The following ZNF844 variants were observed in gnomAD, a reference collection of about 807,000 sequenced individuals.
ZNF844 encodes zinc finger protein 844.
Under a neutral mutation model 11.4 loss-of-function variants are expected in ZNF844, and 11 were observed. The ratio of observed to expected loss-of-function variants is 0.97; its 90% CI spans 0.61 to 1.60. The LOEUF (loss-of-function observed/expected upper bound fraction) is 1.60. Among genes scored for constraint, ZNF844 ranks in the 40% most tolerant of loss-of-function variants. ZNF844 has a pLI of 0.00. For synonymous variants in ZNF844, 248 were observed against 260.3 expected, an observed-to-expected ratio of 0.95 and a Z score of 0.46; for missense variants, 790 against 796.8, an observed-to-expected ratio of 0.99 and a Z score of 0.10.
At position 12,076,154 on chromosome 19, in the gene ZNF844, C is replaced by T. The variant is rs1975812804; in HGVS notation, c.1034C>T (p.Ala345Val). The stretch of plus-strand genomic sequence containing the variant: ...TGTGAATGTAAACAATGTGGGAAAG[C>T]ATTATCTTATCTTAACTTTCAAAGA... ...KPCECKQCGK[A>V]LSYLNFQRHM... Residue 345 changes from alanine to valine, a missense_variant, in exon 4 of 4, where the codon GCA becomes GTA. Physicochemically the swap from Ala to Val is moderately conservative, Grantham distance 64. Transcript: ENST00000439326. The T allele has an allele frequency of 6.3e-7, 1 of 1,577,684 alleles. No homozygotes were observed. Among genetic ancestry groups the T allele is most frequent in the Non-Finnish European group, 8.6e-7 (1 of 1,160,822 alleles).
chr19:12,076,244 T>A lies in ZNF844; in HGVS notation c.1124T>A (p.Leu375His), dbSNP rs1163250930. Residue 375 changes from leucine to histidine, a missense_variant, in exon 4 of 4, where the codon CTC (leucine) becomes CAC (histidine). Physicochemically the swap from Leu to His is moderately conservative, Grantham distance 99. Transcript: ENST00000439326. The stretch of plus-strand genomic sequence containing the variant: ...AAGACTGTGGAAAAGCCTTTGATTC[T>A]CCCAGTTCGTTTTGAAGACATGAAA... Reference protein sequence around the residue: ...KCKTVEKPLILPVRFEDMKEL... With the variant: ...KCKTVEKPLIHPVRFEDMKEL... The A allele has an allele frequency of 6.2e-7, 1 of 1,609,734 alleles. No individual in the cohort carries two copies. The highest frequency in any genetic ancestry group is 2.2e-5 in the East Asian group (1 of 44,672).
At chr19:12,064,981 G>A (rs1975671806) in intron 1 of ZNF844, 105 bp downstream of exon 1, 8 of 1,280,904 alleles carry the variant, frequency 6.2e-6, no homozygotes, top group Non-Finnish European at 6.3e-6. Context: ...ACCTCCCCGC[G>A]GCGACTCGAG....
In ZNF844 at chr19:12,075,772, G is replaced by C. The variant is rs1975803909; in HGVS notation, c.652G>C (p.Val218Leu). Residue 218 changes from valine to leucine, a missense_variant, in exon 4 of 4, where the codon GTT becomes CTT. Val to Leu is a conservative substitution (Grantham distance 32). Coordinates refer to ENST00000439326, the MANE Select transcript of ZNF844 (RefSeq NM_001136501.3). ...CLSIYLIHER[V>L]HTGEKPYKCK... is the part of the protein sequence containing the mutation. ...CAGCATATATCTTATACATGAACGA[G>C]TTCACACTGGAGAGAAACCATATAA... 4.3e-6 allele frequency: 7 copies of C among 1,613,370 alleles called. No individual in the cohort carries two copies. The highest frequency in any genetic ancestry group is 5.9e-6 in the Non-Finnish European group (7 of 1,179,762).
Position 12,076,424 on chromosome 19 carries a change from T to C in ZNF844, c.1304T>C (p.Phe435Ser), listed in dbSNP as rs1466179112. The change falls in exon 4 of 4, where the codon TTC becomes TCC. Residue 435 changes from phenylalanine to serine, a missense_variant. This residue lies in a region of ZNF844 where 657 missense variants were observed against 636.2 expected (regional missense o/e 1.03). Transcript: ENST00000439326. ...VVKPSFLPLP[F>S]DIMKGLTLER... ...AAGCCTTCATTTCTTCCACTTCCTTTCGATATCATGAAAGGACTCACACTG... is the reference window on the plus strand; with the variant it reads ...AAGCCTTCATTTCTTCCACTTCCTTCCGATATCATGAAAGGACTCACACTG... 1 of 1,610,290 alleles carries C rather than the reference T, an allele frequency of 6.2e-7. No homozygotes were observed. Among genetic ancestry groups the C allele is most frequent in the Non-Finnish European group, 8.5e-7 (1 of 1,177,136 alleles).
chr19:12,066,440 C>T (rs1975688908), intron 1 of ZNF844, among the ~76,000 whole-genome samples: 1 of 151,834 alleles, frequency 6.6e-6, no homozygotes, highest in South Asian at 2.1e-4. Flanking sequence ...ACTCTGTTCC[C>T]CCCGCCCCGA....
Position 12,075,648 on chromosome 19 carries a change from A to G in ZNF844, c.528A>G (p.Lys176=). The G allele has an allele frequency of 6.2e-7, 1 of 1,612,294 alleles. No individual in the cohort carries two copies. The highest frequency in any genetic ancestry group is 8.5e-7 in the Non-Finnish European group (1 of 1,179,502). ...EKLYDCKECG[K]TFISHSSIQR... is the part of the protein sequence containing the mutation. ...TCTATGATTGTAAAGAATGTGGAAAAACCTTCATATCCCATTCAAGCATTC... is the reference window on the plus strand; with the variant it reads ...TCTATGATTGTAAAGAATGTGGAAAGACCTTCATATCCCATTCAAGCATTC... Residue 176 remains lysine (K), a synonymous_variant, in exon 4 of 4, where the codon AAA becomes AAG. Coordinates refer to ENST00000439326, the MANE Select transcript of ZNF844 (RefSeq NM_001136501.3).
chr19:12,064,903 C>T lies in ZNF844; in HGVS notation c.3+27C>T. On this transcript the variant is annotated intron_variant, in intron 1 of 3. Coordinates refer to ENST00000439326, the MANE Select transcript of ZNF844 (RefSeq NM_001136501.3). ...TGAGTGTGAGCCCCCGCTGGGAGTC[C>T]CGAGACTTGGGGGAGGGTAGGCGGA... 2 of 1,548,436 alleles carry T rather than the reference C, an allele frequency of 1.3e-6. 1 individual carries two copies. Among genetic ancestry groups the T allele is most frequent in the South Asian group, 2.4e-5 (2 of 83,828 alleles).
Position 12,075,941 on chromosome 19 carries a change from C to T in ZNF844, c.821C>T (p.Thr274Ile), listed in dbSNP as rs1448010075. ...SPNSLYEHRR[T>I]HTGEKPYECK... ...AATTCCCTTTATGAACATAGAAGAACTCACACTGGAGAGAAGCCATATGAA... is the reference window on the plus strand; with the variant it reads ...AATTCCCTTTATGAACATAGAAGAATTCACACTGGAGAGAAGCCATATGAA... Residue 274 changes from threonine to isoleucine, a missense_variant, in exon 4 of 4, where the codon ACT (threonine) becomes ATT (isoleucine). Physicochemically the swap from Thr to Ile is moderately conservative, Grantham distance 89 (BLOSUM62 -1). Around this residue, in one of 3 missense-constraint regions of ZNF844, gnomAD observed 657 missense variants for 636.2 expected, o/e 1.03. Transcript: ENST00000439326. The T allele has an allele frequency of 3.1e-6, 5 of 1,601,046 alleles. No individual in the cohort carries two copies. Among genetic ancestry groups the T allele is most frequent in the Non-Finnish European group, 4.3e-6 (5 of 1,173,448 alleles).
At position 12,076,389 on chromosome 19, in the gene ZNF844, C is replaced by G; in HGVS notation, c.1269C>G (p.Ser423Arg). 1 of 1,609,976 alleles carries G rather than the reference C, an allele frequency of 6.2e-7. No homozygotes were observed. Among genetic ancestry groups the G allele is most frequent in the Non-Finnish European group, 8.5e-7 (1 of 1,176,960 alleles). ...LTLERNPMNV[S>R]SVVKPSFLPL... ...TGGAGAGAAACCCTATGAATGTAAG[C>G]AGTGTAGTAAAGCCTTCATTTCTTC... Residue 423 changes from serine to arginine, a missense_variant, in exon 4 of 4, where the codon AGC (serine) becomes AGG (arginine). Transcript: ENST00000439326.
Position 12,078,774 on chromosome 19 carries a change from C to T in ZNF844, c.*1653C>T, listed in dbSNP as rs182653366. On this transcript the variant is annotated 3_prime_UTR_variant, in exon 4 of 4. Coordinates refer to ENST00000439326, the MANE Select transcript of ZNF844 (RefSeq NM_001136501.3). ...AGGAAAACCCTATGAATGTAAGCTGCGTGGGAAAGCATTTTCTGATCTGAG... is the reference window on the plus strand; with the variant it reads ...AGGAAAACCCTATGAATGTAAGCTGTGTGGGAAAGCATTTTCTGATCTGAG... 1.4e-3 allele frequency: 217 copies of T among 152,478 alleles called. No individual in the cohort carries two copies. Among genetic ancestry groups the T allele is most frequent in the South Asian group, 0.011 (53 of 4,828 alleles). The allele number at this position is 152,478 out of a possible 1,614,324, so 9.4% of individuals were successfully genotyped here. A position where few individuals can be genotyped will look rare whatever the true frequency, so the allele number is the denominator to read the frequency against.
chr19:12,064,740 C>A lies in ZNF844; in HGVS notation c.-134C>A. The stretch of plus-strand genomic sequence containing the variant: ...CATTGCCGTTCGCCTCAGTCTTTGG[C>A]CCCTCCCGCCGGGTGAGGTTGGCAC... On this transcript the variant is annotated 5_prime_UTR_variant, in exon 1 of 4. Coordinates refer to ENST00000439326, the MANE Select transcript of ZNF844 (RefSeq NM_001136501.3). 1 of 904,648 alleles carries A rather than the reference C, an allele frequency of 1.1e-6. No homozygotes were observed. The highest frequency in any genetic ancestry group is 1.7e-6 in the Non-Finnish European group (1 of 601,416). The allele number at this position is 904,648 out of a possible 1,614,324, so 56.0% of individuals were successfully genotyped here.
At chr19:12,069,853 G>A (rs1313466389) in intron 1 of ZNF844, among the ~76,000 whole-genome samples, 9 of 151,552 alleles carry the variant, frequency 5.9e-5, no homozygotes, top group Non-Finnish European at 1.3e-4. Context: ...TACTCAGGAG[G>A]CTGAGGTAGG....
At chr19:12,071,411 C>G (rs1401937058) in intron 1 of ZNF844, among the ~76,000 whole-genome samples, 1 of 152,164 alleles carries the variant, frequency 6.6e-6, no homozygotes, top group Non-Finnish European at 1.5e-5. Flanking sequence ...CATTGAAAGT[C>G]AATCAGATTT....
chr19:12,068,000 T>C (rs1599397725), intron 1 of ZNF844, among the ~76,000 whole-genome samples: 1 of 70,122 alleles, frequency 1.4e-5, no homozygotes, highest in Non-Finnish European at 3.2e-5. Context: ...AAATTAAAAA[T>C]TAATTTAAAA....
At position 12,078,865 on chromosome 19, in the gene ZNF844, T is replaced by G. The variant is rs1172246906; in HGVS notation, c.*1744T>G. 6.6e-6 allele frequency: 1 copy of G among 152,232 alleles called. No homozygotes were observed. Among genetic ancestry groups the G allele is most frequent in the Non-Finnish European group, 1.5e-5 (1 of 68,072 alleles). The allele number at this position is 152,232 out of a possible 1,614,324, so 9.4% of individuals were successfully genotyped here. ...CCTCTCTCCCCGTTCATTTCTTTTT[T>G]TTTGAGACGGAGTCTTGCTCTGTCG... On this transcript the variant is annotated 3_prime_UTR_variant, in exon 4 of 4. Transcript: ENST00000439326.
chr19:12,073,030 A>G (rs1484683292), intron 1 of ZNF844, among the ~76,000 whole-genome samples: 1 of 152,224 alleles, frequency 6.6e-6, no homozygotes, highest in Non-Finnish European at 1.5e-5. Context: ...CCTCATAGAC[A>G]GAACTTTTAA....
In ZNF844 at chr19:12,077,160, T is replaced by A. The variant is rs1975837631; in HGVS notation, c.*39T>A. ...CAAGGAATGTGGCAAAGCCTTCACT[T>A]CTTCTGGTTCCTTTCAGTGTCATAA... On this transcript the variant is annotated 3_prime_UTR_variant, in exon 4 of 4. Coordinates refer to ENST00000439326, the MANE Select transcript of ZNF844 (RefSeq NM_001136501.3). 2.5e-6 allele frequency: 4 copies of A among 1,603,726 alleles called. No individual in the cohort carries two copies. The highest frequency in any genetic ancestry group is 2.2e-5 in the South Asian group (2 of 89,742).
chr19:12,071,278 G>T (rs571042934), intron 1 of ZNF844, among the ~76,000 whole-genome samples: 1 of 152,148 alleles, frequency 6.6e-6, no homozygotes, highest in African/African-American at 2.4e-5. Context: ...TAAGTGGTGG[G>T]TATATTCAAC....
At position 12,077,001 on chromosome 19, in the gene ZNF844, T is replaced by G. The variant is rs1975833405; in HGVS notation, c.1881T>G (p.Leu627=). Reference sequence around the variant, plus strand: ...CGGAAAAGCGTTCAATTATTTTTCTTCTTTGCGTATACACAAAAGGATGCA... The same window carrying G: ...CGGAAAAGCGTTCAATTATTTTTCTGCTTTGCGTATACACAAAAGGATGCA... ...RNAEKRSIIF[L]LCVYTKGCTL... The change falls in exon 4 of 4, where the codon CTT becomes CTG. Residue 627 remains leucine, a synonymous_variant. Coordinates refer to ENST00000439326, the MANE Select transcript of ZNF844 (RefSeq NM_001136501.3). 6.3e-7 allele frequency: 1 copy of G among 1,597,100 alleles called. No individual in the cohort carries two copies.
Sources: gnomAD v4.1 joint callset for allele counts (sites outside exome capture counted in the v4.1 genomes callset) on GRCh38, gnomAD v4.1.1 for gene constraint, gnomAD v4.1.1 regional missense constraint, MANE v1.5 for transcripts, NCBI Gene and HGNC (gene_info 2026-07-23, HGNC 2026-07-21) for gene names.